Variants in TMEM63C observed in about 807,000 individuals in gnomAD.
TMEM63C encodes the protein transmembrane protein 63C, also known as osmosensitive cation channel TMEM63C.
Under a neutral mutation model 99.2 loss-of-function variants are expected in TMEM63C, and 32 were observed. The ratio of observed to expected loss-of-function variants is 0.32; its 90% confidence interval spans 0.24 to 0.43. The LOEUF (loss-of-function observed/expected upper bound fraction) is 0.43, where lower values mean the gene tolerates loss of function less well. Ranked by LOEUF, TMEM63C falls within the 20% of genes least tolerant of loss-of-function variation. The pLI, the probability that TMEM63C is intolerant of heterozygous loss-of-function variation, is 1.00. For synonymous variants in TMEM63C, 376 were observed against 397.9 expected, an observed-to-expected ratio of 0.94 and a Z score of 0.66; for missense variants, 826 against 1,053.0, an observed-to-expected ratio of 0.78 and a Z score of 2.98.
chr14:77,241,173 A>G (rs570073420), intron 13 of TMEM63C, among the ~76,000 whole-genome samples: 32 of 150,462 alleles, frequency 2.1e-4, no homozygotes, highest in African/African-American at 7.6e-4. Flanking sequence ...CTGGTCTCGA[A>G]CTCCTGACCT....
rs777346389 is a variant in TMEM63C at position 77,240,549 on chromosome 14, G to A, written c.1005G>A (p.Val335=). The change falls in exon 13 of 24, where the codon GTG becomes GTA. Residue 335 remains valine, a synonymous_variant. Transcript: ENST00000298351. ...TDEFNAELNR[V]PLKRLDLIFV... ...AGTTCAACGCCGAGCTCAACCGCGT[G>A]CCGCTCAAGCGGCTGGACCTGATCT... 1 of 1,611,928 alleles carries A rather than the reference G, an allele frequency of 6.2e-7. No homozygotes were observed. Among genetic ancestry groups the A allele is most frequent in the South Asian group, 1.1e-5 (1 of 91,076 alleles).
intron 8 of TMEM63C, among the ~76,000 whole-genome samples, chr14:77,235,251 C>G (rs531761400): frequency 2.0e-5 from 3 of 151,344 alleles, no homozygotes; most frequent in Admixed American, 1.3e-4. Context: ...CCTGGAAAGA[C>G]TGCATGTGGG....
chr14:77,251,883 G>A lies in TMEM63C; in HGVS notation c.2133G>A (p.Met711Ile). Residue 711 changes from methionine to isoleucine, a missense_variant, in exon 22 of 24, where the codon ATG becomes ATA. By Grantham distance (10) the Met-to-Ile change is conservative. Transcript: ENST00000298351. ...GCATTTTTCTGGGGAAGCTTCGGAT[G>A]GTTGCCGACTACGAGGTGAGTTGCC... ...FVGIFLGKLR[M>I]VADYEPEEEE... The A allele has an allele frequency of 6.2e-7, 1 of 1,613,776 alleles. No individual in the cohort carries two copies. The highest frequency in any genetic ancestry group is 8.5e-7 in the Non-Finnish European group (1 of 1,179,656).
chr14:77,232,368 A>C (rs1223026375), intron 7 of TMEM63C, among the ~76,000 whole-genome samples: 1 of 151,924 alleles, frequency 6.6e-6, no homozygotes, highest in South Asian at 2.1e-4. Flanking sequence ...GCTCACTGCA[A>C]CCTCTGCCTC....
intron 6 of TMEM63C, among the ~76,000 whole-genome samples, chr14:77,226,649 T>C (rs1888833290): frequency 6.6e-6 from 1 of 152,138 alleles, no homozygotes; most frequent in Admixed American, 6.5e-5. Flanking sequence ...TGAGCCAGTT[T>C]GTTGCAGAGA....
At position 77,218,894 on chromosome 14, in the gene TMEM63C, C is replaced by T; in HGVS notation, c.81C>T (p.Asn27=). 1 of 1,612,992 alleles carries T rather than the reference C, an allele frequency of 6.2e-7. No homozygotes were observed. Among genetic ancestry groups the T allele is most frequent in the African/African-American group, 1.3e-5 (1 of 75,060 alleles). ...MTVDECFQSR[N]TVLQGQPFGG... The stretch of plus-strand genomic sequence containing the variant: ...TGGATGAATGCTTCCAGTCTCGGAA[C>T]ACCGTCCTCCAGGGGCAGCCCTTTG... The change falls in exon 3 of 24, where the codon AAC becomes AAT. Residue 27 remains asparagine (N), a synonymous_variant. Coordinates refer to ENST00000298351, the MANE Select transcript of TMEM63C (RefSeq NM_020431.4).
intron 1 of TMEM63C, among the ~76,000 whole-genome samples, chr14:77,199,152 G>A (rs1367671559): frequency 6.6e-6 from 1 of 152,170 alleles, no homozygotes; most frequent in Admixed American, 6.5e-5. Flanking sequence ...GAATGGTCAG[G>A]ACAGACCTCA....
intron 17 of TMEM63C, 130 bp downstream of exon 17, chr14:77,246,156 C>T (rs2140129370): frequency 1.3e-6 from 1 of 765,908 alleles, no homozygotes; most frequent in South Asian, 1.5e-5. Flanking sequence ...CCATGCCTGT[C>T]ATGGGTGTAG....
chr14:77,219,103 T>A (rs421146), intron 3 of TMEM63C, 140 bp downstream of exon 3: 1 of 1,023,508 alleles, frequency 9.8e-7, no homozygotes, highest in Non-Finnish European at 1.4e-6. Flanking sequence ...CAGTCCTGCC[T>A]AGGGTGGCCC....
At chr14:77,204,272 A>G (rs1224571431) in intron 1 of TMEM63C, among the ~76,000 whole-genome samples, 2 of 152,116 alleles carry the variant, frequency 1.3e-5, no homozygotes, top group Non-Finnish European at 2.9e-5. Context: ...CAAAACAGAA[A>G]CAGATGCCTC....
intron 23 of TMEM63C, among the ~76,000 whole-genome samples, 188 bp downstream of exon 23, chr14:77,253,564 G>C (rs1186275433): frequency 1.3e-5 from 2 of 152,230 alleles, no homozygotes; most frequent in Non-Finnish European, 1.5e-5. Context: ...CGTGGTCCTG[G>C]ATGAAGAGTG....
chr14:77,183,611 G>A (rs570079399), intron 1 of TMEM63C, among the ~76,000 whole-genome samples: 3 of 152,246 alleles, frequency 2.0e-5, no homozygotes, highest in Admixed American at 2.0e-4. Flanking sequence ...CAGCATCTCC[G>A]GATCGGGGGT....
chr14:77,184,799 C>T (rs559924066), intron 1 of TMEM63C, among the ~76,000 whole-genome samples: 1 of 152,258 alleles, frequency 6.6e-6, no homozygotes, highest in African/African-American at 2.4e-5. Flanking sequence ...GCAACTCCTG[C>T]AAGGTAGGGT....
At chr14:77,239,794 C>T in intron 12 of TMEM63C, 68 bp downstream of exon 12, 1 of 1,574,114 alleles carries the variant, frequency 6.4e-7, no homozygotes, top group Non-Finnish European at 8.6e-7. Context: ...GGCTCTGTGC[C>T]TTTGCCCGCA....
intron 19 of TMEM63C, 55 bp downstream of exon 19, chr14:77,248,564 A>T: frequency 6.4e-7 from 1 of 1,552,992 alleles, no homozygotes. Flanking sequence ...GGAGGGTGTC[A>T]GGGATAGAGC....
intron 1 of TMEM63C, among the ~76,000 whole-genome samples, chr14:77,186,463 G>C (rs1422087330): frequency 2.0e-5 from 3 of 152,132 alleles, no homozygotes. Flanking sequence ...CAGCACTTTG[G>C]GGGGCCTAGG....
At chr14:77,219,062 A>G in intron 3 of TMEM63C, 99 bp downstream of exon 3, 2 of 1,299,146 alleles carry the variant, frequency 1.5e-6, no homozygotes, top group African/African-American at 3.0e-5. Flanking sequence ...CAAATGGACA[A>G]CAACAACATT....
At chr14:77,249,067 C>T (rs969347022) in intron 20 of TMEM63C, among the ~76,000 whole-genome samples, 195 bp downstream of exon 20, 3 of 152,036 alleles carry the variant, frequency 2.0e-5, no homozygotes, top group Non-Finnish European at 4.4e-5. Flanking sequence ...GTTGAATGAA[C>T]GCATGAGAGA....
rs1366714187 is a variant in TMEM63C at position 77,246,531 on chromosome 14, G to A, written c.1536-78G>A. 23 of 1,255,226 alleles carry A rather than the reference G, an allele frequency of 1.8e-5. No individual in the cohort carries two copies. In the East Asian group the frequency reaches 5.4e-4, roughly 29 times the overall value. 77.8% of individuals were successfully genotyped at this position (1,255,226 alleles called of 1,614,324 possible). ...GCAAGGGTCTTTCTTTGGAGATTGG[G>A]CAAGGGAGGATGGTTGAACCCTCAG... On this transcript the variant is annotated intron_variant, in intron 17 of 23. Coordinates refer to ENST00000298351, the MANE Select transcript of TMEM63C (RefSeq NM_020431.4).
Sources: gnomAD v4.1 joint callset for allele counts (sites outside exome capture counted in the v4.1 genomes callset) on GRCh38, gnomAD v4.1.1 for gene constraint, MANE v1.5 for transcripts, NCBI Gene and HGNC (gene_info 2026-07-23, HGNC 2026-07-21) for gene names.